The following STK24 variants were observed in gnomAD, a reference collection of about 807,000 sequenced individuals.
The protein encoded by STK24 is serine/threonine-protein kinase 24.
Under a neutral mutation model 55.6 loss-of-function variants are expected in STK24, and 21 were observed. The observed-to-expected ratio is 0.38, with a 90% confidence interval of 0.27 to 0.54. STK24 has a LOEUF of 0.54. STK24 is among the 20% of genes least tolerant of loss of function. STK24 has a pLI of 0.79. For missense variants in STK24, 383 were observed against 538.4 expected (o/e 0.71, Z 2.86); for synonymous variants, 200 against 215.2 (o/e 0.93, Z 0.62).
chr13:98,543,007 G>T (rs12855086), intron 1 of STK24: 506,325 of 984,850 alleles, frequency 0.51, 130,485 homozygotes, highest in Non-Finnish European at 0.52. Context: ...GCCAGCTAGC[G>T]TGGACCTGGA....
intron 2 of STK24, among the ~76,000 whole-genome samples, chr13:98,509,503 C>A (rs1383500662): frequency 5.3e-5 from 8 of 151,572 alleles, no homozygotes; most frequent in South Asian, 4.2e-4. Flanking sequence ...AAAAAAAAAA[C>A]CAGTTCCTCA....
intron 8 of STK24, 110 bp from the exon 9 acceptor site, chr13:98,460,550 T>G: frequency 5.9e-6 from 5 of 842,702 alleles, no homozygotes; most frequent in Non-Finnish European, 9.7e-6. Flanking sequence ...GCCTCTACAC[T>G]TCACGCTGAG....
intron 3 of STK24, among the ~76,000 whole-genome samples, 169 bp downstream of exon 3, chr13:98,482,096 T>A (rs1894608274): frequency 6.6e-6 from 1 of 151,910 alleles, no homozygotes; most frequent in Admixed American, 6.6e-5. Flanking sequence ...AACCAATAAT[T>A]TTTAGTGATA....
chr13:98,542,782 T>C, intron 1 of STK24: 1 of 968,066 alleles, frequency 1.0e-6, no homozygotes, highest in Non-Finnish European at 1.2e-6. Context: ...GCAATCTACT[T>C]TCTATGCGTT....
chr13:98,522,803 G>A (rs1004329469), intron 1 of STK24, among the ~76,000 whole-genome samples: 1 of 152,168 alleles, frequency 6.6e-6, no homozygotes, highest in African/African-American at 2.4e-5. Flanking sequence ...TGAGCAATAA[G>A]AAAACCCCAG....
At chr13:98,484,850 G>A (rs1165881416) in intron 2 of STK24, among the ~76,000 whole-genome samples, 2 of 152,180 alleles carry the variant, frequency 1.3e-5, no homozygotes, top group African/African-American at 4.8e-5. Flanking sequence ...TGGAGAGGAA[G>A]ATGGAGAAAT....
Position 98,446,808 on chromosome 13 carries a change from C to T in STK24, c.*6365G>A, listed in dbSNP as rs765023336. 3.7e-6 allele frequency: 6 copies of T among 1,613,944 alleles called. No homozygotes were observed. Among genetic ancestry groups the T allele is most frequent in the South Asian group, 2.2e-5 (2 of 91,076 alleles). ...TACTTCAGGGCGGAAAGCGAGTACA[C>T]GTTCGAAAGGTAGACACCCCCTTCC... On this transcript the variant is annotated 3_prime_UTR_variant, in exon 11 of 11. Transcript: ENST00000539966.
intron 1 of STK24, among the ~76,000 whole-genome samples, chr13:98,529,341 C>T (rs1221928713): frequency 2.0e-5 from 3 of 152,150 alleles, no homozygotes; most frequent in Non-Finnish European, 1.5e-5. Flanking sequence ...GCCTGGCCCT[C>T]CCTCCCCCAC....
intron 1 of STK24, among the ~76,000 whole-genome samples, chr13:98,526,154 GT>G (rs1896422488): frequency 6.6e-6 from 1 of 152,126 alleles, no homozygotes; most frequent in African/African-American, 2.4e-5. Context: ...GCTTTTTCTG[GT>G]TTTTAAACAA....
chr13:98,511,418 A>G (rs1366472570), intron 2 of STK24, among the ~76,000 whole-genome samples: 1 of 152,238 alleles, frequency 6.6e-6, no homozygotes, highest in Non-Finnish European at 1.5e-5. Context: ...ACAGACATTA[A>G]ATAGAAATTA....
In STK24 at chr13:98,488,654, T is replaced by A. The variant is rs568974744; in HGVS notation, c.274-6333A>T. On this transcript the variant is annotated intron_variant, in intron 2 of 10. Transcript: ENST00000539966. ...TACAGAAATTAATTTAATATAGACATACTATCAATAACCATAGCACTTCCA... is the reference window on the plus strand; with the variant it reads ...TACAGAAATTAATTTAATATAGACAAACTATCAATAACCATAGCACTTCCA... Among the ~76,000 whole-genome samples the A allele has an allele frequency of 2.4e-4, 36 of 152,260 alleles. 1 individual carries two copies. In the South Asian group the frequency reaches 7.3e-3, roughly 31 times the overall value.
chr13:98,574,491 A>C (rs1251087959), intron 1 of STK24, among the ~76,000 whole-genome samples: 1 of 152,246 alleles, frequency 6.6e-6, no homozygotes, highest in Non-Finnish European at 1.5e-5. Flanking sequence ...GGGCAGTAGC[A>C]ACTGCTAATT....
At chr13:98,556,483 A>C (rs1897291425) in intron 1 of STK24, among the ~76,000 whole-genome samples, 1 of 152,096 alleles carries the variant, frequency 6.6e-6, no homozygotes, top group Non-Finnish European at 1.5e-5. Flanking sequence ...CTTTTTGCTT[A>C]AACTAGTTGA....
chr13:98,540,390 C>T (rs922600824), intron 1 of STK24, among the ~76,000 whole-genome samples: 3 of 152,104 alleles, frequency 2.0e-5, no homozygotes, highest in African/African-American at 7.2e-5. Flanking sequence ...AGAAAAACTA[C>T]ACATTACATA....
intron 6 of STK24, 112 bp from the exon 7 acceptor site, chr13:98,463,948 ACT>A (rs1335388864): frequency 3.1e-5 from 38 of 1,243,856 alleles, no homozygotes; most frequent in Admixed American, 7.8e-5. Context: ...TGATGGCTGG[ACT>A]CTCTACTCCA....
chr13:98,540,530 G>C (rs1267302062), intron 1 of STK24, among the ~76,000 whole-genome samples: 1 of 151,884 alleles, frequency 6.6e-6, no homozygotes, highest in Non-Finnish European at 1.5e-5. Flanking sequence ...AGTGGATGAA[G>C]GACTTTTGAA....
chr13:98,507,054 T>C (rs935480658), intron 2 of STK24, among the ~76,000 whole-genome samples: 4 of 152,226 alleles, frequency 2.6e-5, no homozygotes, highest in African/African-American at 9.6e-5. Context: ...TCTGTAAATG[T>C]GCAGCTGGGC....
intron 2 of STK24, among the ~76,000 whole-genome samples, chr13:98,506,430 C>A (rs1192559131): frequency 1.3e-5 from 2 of 152,320 alleles, no homozygotes; most frequent in South Asian, 2.1e-4. Context: ...AGGTGAGGAA[C>A]ACAGCAGTGC....
rs189018647 is a variant in STK24, at chr13:98,460,600, T to C, written c.1054-160A>G. Among the ~76,000 whole-genome samples, 204 of 152,286 alleles carry C rather than the reference T, an allele frequency of 1.3e-3. 1 individual carries two copies. The highest frequency in any genetic ancestry group is 2.7e-3 in the Non-Finnish European group (181 of 68,022). On this transcript the variant is annotated intron_variant, in intron 8 of 10. Coordinates refer to ENST00000539966, the MANE Select transcript of STK24 (RefSeq NM_001032296.4). Reference sequence around the variant, plus strand: ...GCACCATAACATCTGAAGGAGACTATCGGCTGCCTCTCACTAGACTTCAAA... The same window carrying C: ...GCACCATAACATCTGAAGGAGACTACCGGCTGCCTCTCACTAGACTTCAAA...
Sources: allele counts gnomAD v4.1 joint callset (sites outside exome capture counted in the v4.1 genomes callset), GRCh38; gene constraint gnomAD v4.1.1; transcripts MANE v1.5; gene names NCBI Gene and HGNC (gene_info 2026-07-23, HGNC 2026-07-21).